Variants in SMARCAD1 observed in about 807,000 individuals in gnomAD.
SMARCAD1 encodes SWI/SNF-related matrix-associated actin-dependent regulator of chromatin subfamily A containing DEAD/H box 1.
Under a neutral mutation model 127.1 loss-of-function variants are expected in SMARCAD1, and 25 were observed. The ratio of observed to expected loss-of-function variants is 0.20; its 90% CI spans 0.14 to 0.27. The LOEUF (loss-of-function observed/expected upper bound fraction) is 0.27, where lower values mean the gene tolerates loss of function less well. SMARCAD1 is among the 10% of genes least tolerant of loss of function. The probability of loss-of-function intolerance (pLI) is 1.00; values close to 1 mark genes in which losing one functional copy is unlikely to be tolerated. For synonymous variants in SMARCAD1, 400 were observed against 396.9 expected (o/e 1.01, Z -0.09); for missense variants, 807 against 1,206.0 (o/e 0.67, Z 4.90).
At chr4:94,209,819 A>G (rs187956207) in intron 2 of SMARCAD1, among the ~76,000 whole-genome samples, 18 of 152,356 alleles carry the variant, frequency 1.2e-4, no homozygotes, top group Admixed American at 7.8e-4. Context: ...CTCTTTGAAT[A>G]GATATTTGAC....
intron 10 of SMARCAD1, among the ~76,000 whole-genome samples, chr4:94,267,724 T>G (rs1038495779): frequency 4.6e-5 from 7 of 152,064 alleles, no homozygotes; most frequent in African/African-American, 9.7e-5. Flanking sequence ...TAGTGAGAGA[T>G]AAAAAATCTT....
In SMARCAD1 at chr4:94,220,237, C is replaced by T. The variant is rs561706007; in HGVS notation, c.191-5882C>T. Among the ~76,000 whole-genome samples the T allele has an allele frequency of 2.0e-5, 3 of 152,082 alleles. No homozygotes were observed. In the East Asian group the frequency reaches 5.8e-4, roughly 29 times the overall value. Reference sequence around the variant, plus strand: ...GTTGATATATTATAAACGGCTTTTACTGATTTTATTTATTATTATTATTTT... The same window carrying T: ...GTTGATATATTATAAACGGCTTTTATTGATTTTATTTATTATTATTATTTT... On this transcript the variant is annotated intron_variant, in intron 2 of 23. Transcript: ENST00000354268.
Position 94,273,697 on chromosome 4 carries a change from T to C in SMARCAD1, c.1653T>C (p.Val551=). 6.2e-7 allele frequency: 1 copy of C among 1,613,610 alleles called. No individual in the cohort carries two copies. The change falls in exon 12 of 24, where the codon GTT becomes GTC. Residue 551 remains valine (V), a synonymous_variant. Coordinates refer to ENST00000354268, the MANE Select transcript of SMARCAD1 (RefSeq NM_020159.5). ...QEGNNGPHLI[V]VPASTIDNWL... ...GTAATAATGGTCCTCATTTGATCGT[T>C]GTTCCAGCTTCAACTATAGGTTTGT...
chr4:94,210,590 AG>A (rs1301759648), intron 2 of SMARCAD1, among the ~76,000 whole-genome samples: 1 of 152,090 alleles, frequency 6.6e-6, no homozygotes, highest in African/African-American at 2.4e-5. Flanking sequence ...GAGATATGAG[AG>A]GTTTCAAAGT....
intron 6 of SMARCAD1, among the ~76,000 whole-genome samples, chr4:94,242,558 T>C (rs544702236): frequency 5.9e-5 from 9 of 152,134 alleles, no homozygotes; most frequent in Admixed American, 3.3e-4. Context: ...GTTTATATTA[T>C]AGCAGTTGTT....
chr4:94,260,725 G>A (rs371428287), intron 9 of SMARCAD1, among the ~76,000 whole-genome samples: 40 of 152,230 alleles, frequency 2.6e-4, no homozygotes, highest in African/African-American at 9.1e-4. Context: ...AAATGTTGCC[G>A]TTCATATACA....
At chr4:94,253,487 A>G in intron 9 of SMARCAD1, 3 of 1,130,988 alleles carry the variant, frequency 2.7e-6, no homozygotes, top group Non-Finnish European at 3.3e-6. Context: ...CCACAAAAGA[A>G]GCAATTGTTT....
In SMARCAD1 at chr4:94,279,029, A is replaced by ATT; in HGVS notation, c.2397_2398insTT (p.Met800LeufsTer7). On this transcript the variant is annotated frameshift_variant, in exon 19 of 24. Transcript: ENST00000354268. LOFTEE classifies it high-confidence loss of function. ...ATTACACAGCTGAAAAACTCAAGGA[A>ATT]ATGTCTCAGCTTATGCTAAAGGTAA... is the stretch of plus-strand genomic sequence containing the variant. 6.2e-7 allele frequency: 1 copy of ATT among 1,614,158 alleles called. No homozygotes were observed. Among genetic ancestry groups the ATT allele is most frequent in the Non-Finnish European group, 8.5e-7 (1 of 1,180,020 alleles).
chr4:94,240,149 A>G (rs1453623582), intron 5 of SMARCAD1, among the ~76,000 whole-genome samples: 5 of 152,182 alleles, frequency 3.3e-5, no homozygotes, highest in African/African-American at 9.6e-5. Flanking sequence ...AAACCTTTGT[A>G]GTCTTTAGCA....
At chr4:94,285,168 C>T (rs1754753100) in intron 23 of SMARCAD1, 99 bp downstream of exon 23, 1 of 799,990 alleles carries the variant, frequency 1.3e-6, no homozygotes, top group South Asian at 1.5e-5. Context: ...CCTTAACTAG[C>T]TTACAGTTTA....
At chr4:94,262,889 TA>T (rs368026206) in intron 9 of SMARCAD1, among the ~76,000 whole-genome samples, 17,298 of 87,340 alleles carry the variant, frequency 0.2, 2,358 homozygotes, top group African/African-American at 0.45. Context: ...TAATTTCTGT[TA>T]AAAAAAAAAA....
chr4:94,285,878 A>G (rs1470361824), intron 23 of SMARCAD1, among the ~76,000 whole-genome samples: 1 of 152,224 alleles, frequency 6.6e-6, no homozygotes, highest in African/African-American at 2.4e-5. Flanking sequence ...GCAACTTGCC[A>G]GTTTCAGGTT....
intron 6 of SMARCAD1, among the ~76,000 whole-genome samples, chr4:94,245,457 C>T (rs988374484): frequency 1.3e-5 from 2 of 152,168 alleles, no homozygotes; most frequent in African/African-American, 2.4e-5. Context: ...AATTTGGAAC[C>T]GTACAGGCAG....
At chr4:94,285,163 A>G in intron 23 of SMARCAD1, 94 bp downstream of exon 23, 1 of 812,214 alleles carries the variant, frequency 1.2e-6, no homozygotes, top group South Asian at 1.4e-5. Context: ...GGCTACCTTA[A>G]CTAGCTTACA....
At chr4:94,250,374 T>C (rs935133308) in intron 7 of SMARCAD1, among the ~76,000 whole-genome samples, 4 of 152,062 alleles carry the variant, frequency 2.6e-5, no homozygotes, top group African/African-American at 9.6e-5. Context: ...GAATGCAAAA[T>C]CTTGTTGCAA....
chr4:94,258,608 A>T (rs755164795), intron 9 of SMARCAD1, among the ~76,000 whole-genome samples: 1 of 152,172 alleles, frequency 6.6e-6, no homozygotes, highest in Non-Finnish European at 1.5e-5. Context: ...AATTCAGTGC[A>T]TGCCACTTTT....
intron 3 of SMARCAD1, among the ~76,000 whole-genome samples, chr4:94,230,311 A>T (rs1478240711): frequency 1.3e-5 from 2 of 151,914 alleles, no homozygotes; most frequent in African/African-American, 4.8e-5. Flanking sequence ...TACACAAAAG[A>T]TAGCATACTA....
At chr4:94,252,181 C>G (rs965814927) in intron 8 of SMARCAD1, among the ~76,000 whole-genome samples, 19 of 152,156 alleles carry the variant, frequency 1.2e-4, no homozygotes, top group Admixed American at 3.3e-4. Flanking sequence ...AACGATGCAA[C>G]TTAGAATATT....
intron 2 of SMARCAD1, among the ~76,000 whole-genome samples, chr4:94,213,553 T>C (rs1742638138): frequency 6.6e-6 from 1 of 150,678 alleles, no homozygotes; most frequent in South Asian, 2.1e-4. Context: ...CATAGAGCAT[T>C]TCATTATGGA....
Sources: gnomAD v4.1 joint callset for allele counts (sites outside exome capture counted in the v4.1 genomes callset) on GRCh38, gnomAD v4.1.1 for gene constraint, MANE v1.5 for transcripts, NCBI Gene and HGNC (gene_info 2026-07-23, HGNC 2026-07-21) for gene names.